UBOX5: variants seen among roughly 807,000 people sequenced by gnomAD.
UBOX5 encodes U-box domain containing 5.
In UBOX5, 28 loss-of-function variants were observed where a neutral mutation model predicts 39.0. The ratio of observed to expected loss-of-function variants is 0.72; its 90% confidence interval spans 0.53 to 0.98. UBOX5 has a LOEUF of 0.98. Ranked by LOEUF, UBOX5 falls within the 50% of genes least tolerant of loss-of-function variation. The pLI, the probability that UBOX5 is intolerant of heterozygous loss-of-function variation, is 0.00. For synonymous variants in UBOX5, 283 were observed against 275.5 expected (o/e 1.03, Z -0.27); for missense variants, 585 against 674.4 (o/e 0.87, Z 1.47).
intron 1 of UBOX5, among the ~76,000 whole-genome samples, chr20:3,153,133 A>G (rs1221067500): frequency 6.6e-6 from 1 of 152,242 alleles, no homozygotes; most frequent in Non-Finnish European, 1.5e-5. Context: ...AATGATATTA[A>G]TTTTAAAACA....
At chr20:3,133,061 A>T (rs2066442151) in intron 1 of UBOX5, among the ~76,000 whole-genome samples, 1 of 152,196 alleles carries the variant, frequency 6.6e-6, no homozygotes, top group Admixed American at 6.5e-5. Context: ...TGCAAATTGA[A>T]ACGAATGAGT....
At chr20:3,142,733 A>G (rs2066527766) in intron 1 of UBOX5, among the ~76,000 whole-genome samples, 1 of 145,662 alleles carries the variant, frequency 6.9e-6, no homozygotes, top group Non-Finnish European at 1.5e-5. Context: ...AGATCACGCT[A>G]CTGCACTCCA....
intron 1 of UBOX5, among the ~76,000 whole-genome samples, chr20:3,154,665 C>A (rs893271725): frequency 2.0e-5 from 3 of 151,786 alleles, no homozygotes; most frequent in African/African-American, 7.3e-5. Context: ...CAGAGAGAGA[C>A]CCTATCTCAA....
intron 1 of UBOX5, among the ~76,000 whole-genome samples, chr20:3,140,580 C>T (rs2066509657): frequency 6.6e-6 from 1 of 152,162 alleles, no homozygotes; most frequent in African/African-American, 2.4e-5. Flanking sequence ...TGCTTCTCTC[C>T]TGAATTTTCA....
At chr20:3,159,378 C>T (rs564790614) in intron 1 of UBOX5, among the ~76,000 whole-genome samples, 1 of 152,310 alleles carries the variant, frequency 6.6e-6, no homozygotes, top group Admixed American at 6.5e-5. Context: ...CAGAACCCAC[C>T]CCAGTCCTAC....
intron 1 of UBOX5, among the ~76,000 whole-genome samples, chr20:3,154,582 T>C (rs1291641422): frequency 6.6e-6 from 1 of 151,688 alleles, no homozygotes; most frequent in Non-Finnish European, 1.5e-5. Context: ...ACTCAGGAGG[T>C]AGAAGTGGGA....
rs2066233114 is a variant in UBOX5, at chr20:3,109,095, G to A, written c.*1011C>T. 2 of 152,136 alleles carry A rather than the reference G, an allele frequency of 1.3e-5. No homozygotes were observed. The highest frequency in any genetic ancestry group is 2.9e-5 in the Non-Finnish European group (2 of 68,038). 9.4% of individuals were successfully genotyped at this position (152,136 alleles called of 1,614,324 possible). A position where few individuals can be genotyped will look rare whatever the true frequency, so the allele number is the denominator to read the frequency against. Reference sequence around the variant, plus strand: ...AATACAGCTTTACAAAGCATCTTTAGGCTGTTCCTTCCCAAACGTGCTTAG... The same window carrying A: ...AATACAGCTTTACAAAGCATCTTTAAGCTGTTCCTTCCCAAACGTGCTTAG... On this transcript the variant is annotated 3_prime_UTR_variant, in exon 5 of 5. Coordinates refer to ENST00000217173, the MANE Select transcript of UBOX5 (RefSeq NM_014948.4).
intron 4 of UBOX5, among the ~76,000 whole-genome samples, chr20:3,111,062 C>T (rs974605201): frequency 6.6e-6 from 1 of 152,092 alleles, no homozygotes; most frequent in Non-Finnish European, 1.5e-5. Flanking sequence ...CTGGCCCTCT[C>T]GGCAGGCTCT....
chr20:3,136,566 A>G (rs899857235), intron 1 of UBOX5, among the ~76,000 whole-genome samples: 1 of 151,540 alleles, frequency 6.6e-6, no homozygotes, highest in South Asian at 2.1e-4. Context: ...CGTTGGCCAG[A>G]GTGGTCTCGA....
rs370766311 is a variant in UBOX5 at position 3,147,207 on chromosome 20, C to G, written c.-42+12559G>C. On this transcript the variant is annotated intron_variant, in intron 1 of 4. Coordinates refer to ENST00000217173, the MANE Select transcript of UBOX5 (RefSeq NM_014948.4). Reference sequence around the variant, plus strand: ...ATCAAATCATCTGTAAGGCTGACTCCCACATGCTCAAGCCTTAATTTGGCT... The same window carrying G: ...ATCAAATCATCTGTAAGGCTGACTCGCACATGCTCAAGCCTTAATTTGGCT... The G allele has an allele frequency of 3.1e-6, 5 of 1,614,042 alleles. No homozygotes were observed. The African/African-American group carries it at 6.7e-5, about 22-fold the overall frequency.
intron 1 of UBOX5, among the ~76,000 whole-genome samples, chr20:3,153,018 G>A (rs1195808467): frequency 6.6e-6 from 1 of 152,222 alleles, no homozygotes; most frequent in East Asian, 1.9e-4. Flanking sequence ...GAAGGAGGCT[G>A]GTTTACAAGA....
intron 1 of UBOX5, among the ~76,000 whole-genome samples, chr20:3,140,212 G>C (rs971169641): frequency 2.6e-4 from 40 of 151,400 alleles, no homozygotes; most frequent in Non-Finnish European, 7.4e-5. Flanking sequence ...AGTAGAGATG[G>C]GGTTTCACTA....
chr20:3,158,696 G>A (rs1166082885), intron 1 of UBOX5, among the ~76,000 whole-genome samples: 1 of 151,846 alleles, frequency 6.6e-6, no homozygotes, highest in Non-Finnish European at 1.5e-5. Context: ...AGATGGTCTC[G>A]ATCTCCTGAC....
intron 2 of UBOX5, 107 bp downstream of exon 2, chr20:3,123,205 G>A (rs1405780969): frequency 3.3e-6 from 4 of 1,204,178 alleles, no homozygotes; most frequent in Non-Finnish European, 4.8e-6. Flanking sequence ...AGTAACAAGA[G>A]CAAAAGTGCA....
chr20:3,117,821 A>AAG (rs2066305144), intron 3 of UBOX5, among the ~76,000 whole-genome samples: 1 of 151,158 alleles, frequency 6.6e-6, no homozygotes, highest in Non-Finnish European at 1.5e-5. Context: ...GCGAAACCCC[A>AAG]TCTCTACTAC....
In UBOX5 at chr20:3,159,776, CGAA is replaced by C. The variant is rs1354553695; in HGVS notation, c.-55_-53del. 1.3e-5 allele frequency: 2 copies of C among 152,360 alleles called. No individual in the cohort carries two copies. The highest frequency in any genetic ancestry group is 3.8e-4 in the East Asian group (2 of 5,196). 9.4% of individuals were successfully genotyped at this position (152,360 alleles called of 1,614,324 possible). A position where few individuals can be genotyped will look rare whatever the true frequency, so the allele number is the denominator to read the frequency against. ...GCCGCCGCCACTCACCTGATCCTCCCGAAGGTGGGCGCCGCAACACCAAACCGG... is the reference window on the plus strand; with the variant it reads ...GCCGCCGCCACTCACCTGATCCTCCCGGTGGGCGCCGCAACACCAAACCGG... On this transcript the variant is annotated 5_prime_UTR_variant, in exon 1 of 5. Coordinates refer to ENST00000217173, the MANE Select transcript of UBOX5 (RefSeq NM_014948.4).
intron 1 of UBOX5, among the ~76,000 whole-genome samples, chr20:3,124,061 C>T (rs1255390300): frequency 6.6e-6 from 1 of 151,840 alleles, no homozygotes; most frequent in Non-Finnish European, 1.5e-5. Flanking sequence ...AGGGATCTTG[C>T]TATGTCTGAT....
intron 1 of UBOX5, among the ~76,000 whole-genome samples, chr20:3,158,135 T>C (rs995733426): frequency 2.6e-5 from 4 of 152,014 alleles, no homozygotes; most frequent in African/African-American, 7.2e-5. Flanking sequence ...GTTTTTTTTG[T>C]TTTTTGTTTT....
chr20:3,125,799 G>A (rs1184723709), intron 1 of UBOX5, among the ~76,000 whole-genome samples: 5 of 137,642 alleles, frequency 3.6e-5, no homozygotes, highest in East Asian at 2.3e-4. Context: ...CTGCCCAGCC[G>A]CCACCCCGTC....
Sources: gnomAD v4.1 joint callset for allele counts (sites outside exome capture counted in the v4.1 genomes callset) on GRCh38, gnomAD v4.1.1 for gene constraint, MANE v1.5 for transcripts, NCBI Gene and HGNC (gene_info 2026-07-23, HGNC 2026-07-21) for gene names.